RETREG1: variants seen among roughly 807,000 people sequenced by gnomAD.
RETREG1 encodes reticulophagy regulator 1.
RETREG1 carries 44 observed loss-of-function variants against 54.8 expected under a neutral mutation model. The observed-to-expected ratio is 0.80, with a 90% confidence interval of 0.63 to 1.03. The LOEUF (loss-of-function observed/expected upper bound fraction) is 1.03. Among genes scored for constraint, RETREG1 ranks in the 50% least tolerant of loss-of-function variants. RETREG1 has a pLI of 0.00. For missense variants in RETREG1, 554 were observed against 605.1 expected (o/e 0.92, Z 0.89); for synonymous variants, 217 against 238.5 (o/e 0.91, Z 0.83).
intron 3 of RETREG1, among the ~76,000 whole-genome samples, chr5:16,505,986 G>T (rs1052568122): frequency 6.6e-6 from 1 of 152,154 alleles, no homozygotes; most frequent in Non-Finnish European, 1.5e-5. Flanking sequence ...CTAATACCAC[G>T]TATGGCTGAC....
chr5:16,568,262 T>C (rs1451055162), intron 2 of RETREG1, among the ~76,000 whole-genome samples: 1 of 133,398 alleles, frequency 7.5e-6, no homozygotes, highest in Non-Finnish European at 1.6e-5. Context: ...ACTCACAAGA[T>C]GATATCACTG....
intron 5 of RETREG1, 152 bp from the exon 6 acceptor site, chr5:16,479,139 C>A (rs374533209): frequency 1.3e-6 from 1 of 746,422 alleles, no homozygotes; most frequent in South Asian, 1.8e-5. Flanking sequence ...AATTTCTATT[C>A]TTTTTCTGTA....
intron 1 of RETREG1, among the ~76,000 whole-genome samples, chr5:16,579,908 T>A (rs1742437358): frequency 6.6e-6 from 1 of 152,236 alleles, no homozygotes; most frequent in Non-Finnish European, 1.5e-5. Context: ...AAAGCTGCTA[T>A]AAACATCCAC....
At chr5:16,565,382 T>C (rs1460323618) in intron 3 of RETREG1, among the ~76,000 whole-genome samples, 2 of 152,176 alleles carry the variant, frequency 1.3e-5, no homozygotes, top group African/African-American at 2.4e-5. Flanking sequence ...CTCGGGAACA[T>C]TCCAGCAGCC....
chr5:16,564,862 G>A (rs529004360), intron 3 of RETREG1, among the ~76,000 whole-genome samples: 1 of 152,286 alleles, frequency 6.6e-6, no homozygotes, highest in East Asian at 1.9e-4. Context: ...ATTTGCATAA[G>A]CACAGCTTCC....
intron 3 of RETREG1, among the ~76,000 whole-genome samples, chr5:16,493,777 A>G (rs1185994035): frequency 2.0e-5 from 3 of 152,182 alleles, no homozygotes; most frequent in African/African-American, 7.2e-5. Flanking sequence ...AAAGTCATTA[A>G]CAATATTGTT....
intron 3 of RETREG1, among the ~76,000 whole-genome samples, chr5:16,500,636 G>A (rs1207140597): frequency 6.6e-6 from 1 of 152,110 alleles, no homozygotes; most frequent in Admixed American, 6.6e-5. Flanking sequence ...AAAGACATAT[G>A]GATGTCCTGA....
chr5:16,530,704 C>G (rs944013695), intron 3 of RETREG1, among the ~76,000 whole-genome samples: 10 of 152,106 alleles, frequency 6.6e-5, no homozygotes, highest in Non-Finnish European at 1.2e-4. Flanking sequence ...AAAACCCTGT[C>G]TAGACTAAAA....
At chr5:16,527,753 T>C (rs1315554892) in intron 3 of RETREG1, among the ~76,000 whole-genome samples, 1 of 146,914 alleles carries the variant, frequency 6.8e-6, no homozygotes, top group East Asian at 2.1e-4. Flanking sequence ...TGATGAAGAC[T>C]GATCAAAATA....
chr5:16,607,557 T>C (rs1743226557), intron 1 of RETREG1, among the ~76,000 whole-genome samples: 1 of 151,930 alleles, frequency 6.6e-6, no homozygotes, highest in Non-Finnish European at 1.5e-5. Flanking sequence ...GAGACTGCAG[T>C]GAGCCAAGAT....
At chr5:16,564,704 T>G (rs371038317) in intron 3 of RETREG1, among the ~76,000 whole-genome samples, 1 of 152,164 alleles carries the variant, frequency 6.6e-6, no homozygotes, top group South Asian at 2.1e-4. Flanking sequence ...GGATCACGTT[T>G]CTCTTCTTAT....
chr5:16,518,878 A>G (rs1252117195), intron 3 of RETREG1, among the ~76,000 whole-genome samples: 4 of 152,368 alleles, frequency 2.6e-5, no homozygotes, highest in Middle Eastern at 3.4e-3. Flanking sequence ...CATAGCCCAC[A>G]AAGACTTCCA....
At chr5:16,569,804 T>C (rs1742122914) in intron 2 of RETREG1, among the ~76,000 whole-genome samples, 1 of 152,154 alleles carries the variant, frequency 6.6e-6, no homozygotes, top group Admixed American at 6.5e-5. Context: ...CACTGGATTA[T>C]CTAGGTAGGC....
At chr5:16,612,397 A>T (rs1397042056) in intron 1 of RETREG1, among the ~76,000 whole-genome samples, 1 of 152,250 alleles carries the variant, frequency 6.6e-6, no homozygotes, top group Non-Finnish European at 1.5e-5. Flanking sequence ...TGTGCTTACA[A>T]GTACAACATG....
intron 3 of RETREG1, among the ~76,000 whole-genome samples, chr5:16,544,300 T>C (rs1216041962): frequency 3.7e-4 from 56 of 152,346 alleles, no homozygotes; most frequent in Non-Finnish European, 1.5e-4. Context: ...AATAGTTCTT[T>C]ATACATTCTG....
intron 3 of RETREG1, among the ~76,000 whole-genome samples, chr5:16,535,136 C>T (rs1017997046): frequency 3.8e-4 from 58 of 152,218 alleles, no homozygotes; most frequent in African/African-American, 1.4e-3. Flanking sequence ...GCTTATGTCA[C>T]TTTTTTTTCT....
intron 1 of RETREG1, among the ~76,000 whole-genome samples, chr5:16,614,801 T>G (rs1743444858): frequency 6.6e-6 from 1 of 152,220 alleles, no homozygotes; most frequent in Non-Finnish European, 1.5e-5. Context: ...GAGACATCCT[T>G]ACAATAGAAT....
intron 3 of RETREG1, among the ~76,000 whole-genome samples, chr5:16,549,358 C>T (rs1004117767): frequency 1.3e-5 from 2 of 152,094 alleles, no homozygotes; most frequent in African/African-American, 2.4e-5. Context: ...GGATCACTTC[C>T]CCCCCTATTT....
intron 1 of RETREG1, among the ~76,000 whole-genome samples, chr5:16,602,406 G>T (rs937906461): frequency 6.6e-5 from 10 of 152,148 alleles, no homozygotes; most frequent in Non-Finnish European, 1.3e-4. Context: ...GACCAGAACA[G>T]AAGGATGGAA....
Sources: gnomAD v4.1 joint callset for allele counts (sites outside exome capture counted in the v4.1 genomes callset) on GRCh38, gnomAD v4.1.1 for gene constraint, MANE v1.5 for transcripts, NCBI Gene and HGNC (gene_info 2026-07-23, HGNC 2026-07-21) for gene names.